The following CTNNA2 variants were observed in gnomAD, a reference collection of about 807,000 sequenced individuals.
The protein encoded by CTNNA2 is catenin alpha 2, also known as catenin alpha-2.
CTNNA2 carries 42 observed loss-of-function variants against 101.0 expected under a neutral mutation model. The ratio of observed to expected loss-of-function variants is 0.42; its 90% CI spans 0.32 to 0.54. The LOEUF is 0.54. Among genes scored for constraint, CTNNA2 ranks in the 20% least tolerant of loss-of-function variants. CTNNA2 has a pLI of 0.14. For missense variants in CTNNA2, 871 were observed against 1,223.1 expected, an observed-to-expected ratio of 0.71 and a Z score of 4.29; for synonymous variants, 450 against 456.4, an observed-to-expected ratio of 0.99 and a Z score of 0.18.
chr2:80,329,815 C>A (rs573594634), intron 7 of CTNNA2, among the ~76,000 whole-genome samples: 280 of 152,296 alleles, frequency 1.8e-3, no homozygotes, highest in Non-Finnish European at 3.5e-3. Flanking sequence ...TGTTCCCTAG[C>A]CACAAGCTTC....
chr2:79,341,247 G>A (rs1055633456), intron 3 of CTNNA2, among the ~76,000 whole-genome samples: 3 of 152,078 alleles, frequency 2.0e-5, no homozygotes, highest in East Asian at 1.9e-4. Context: ...AGACCTTAGC[G>A]TACTTACAGT....
At chr2:79,481,857 G>A (rs1671113507) in intron 4 of CTNNA2, among the ~76,000 whole-genome samples, 1 of 152,160 alleles carries the variant, frequency 6.6e-6, no homozygotes, top group South Asian at 2.1e-4. Flanking sequence ...ACTCCAGAGT[G>A]GAGTCTGCTT....
intron 11 of CTNNA2, among the ~76,000 whole-genome samples, chr2:80,552,451 T>C (rs1049894690): frequency 2.0e-5 from 3 of 152,210 alleles, no homozygotes; most frequent in African/African-American, 7.2e-5. Context: ...TTTACATGTC[T>C]GCCATCCATC....
intron 7 of CTNNA2, among the ~76,000 whole-genome samples, chr2:80,105,838 T>C (rs978821513): frequency 6.6e-6 from 1 of 152,186 alleles, no homozygotes; most frequent in Non-Finnish European, 1.5e-5. Flanking sequence ...TAGAATCATG[T>C]GTGTGTTTCA....
intron 4 of CTNNA2, among the ~76,000 whole-genome samples, chr2:79,410,408 T>C (rs1389672044): frequency 1.4e-4 from 21 of 150,996 alleles, no homozygotes; most frequent in African/African-American, 4.9e-4. Flanking sequence ...TTCCAGTTTT[T>C]GCCCATTCAG....
chr2:79,357,102 G>A (rs1677524551), intron 3 of CTNNA2, among the ~76,000 whole-genome samples: 1 of 152,162 alleles, frequency 6.6e-6, no homozygotes, highest in African/African-American at 2.4e-5. Flanking sequence ...CAAGGCAGGA[G>A]GGTCATTTGA....
intron 2 of CTNNA2, among the ~76,000 whole-genome samples, chr2:79,654,335 A>C (rs1681461890): frequency 6.6e-6 from 1 of 152,296 alleles, no homozygotes; most frequent in East Asian, 1.9e-4. Context: ...AAACACATTT[A>C]TTGTATAGTC....
chr2:79,802,222 A>G (rs1479197299), intron 3 of CTNNA2, among the ~76,000 whole-genome samples: 4 of 152,072 alleles, frequency 2.6e-5, no homozygotes, highest in African/African-American at 9.7e-5. Flanking sequence ...TTCTTGTATC[A>G]CTCCTGAAAC....
At chr2:79,965,324 A>G (rs1558682022) in intron 7 of CTNNA2, among the ~76,000 whole-genome samples, 1 of 152,202 alleles carries the variant, frequency 6.6e-6, no homozygotes, top group Non-Finnish European at 1.5e-5. Context: ...TCCCTTGGGA[A>G]TGTTACATGG....
intron 7 of CTNNA2, among the ~76,000 whole-genome samples, chr2:80,105,834 CAT>C (rs968788708): frequency 4.6e-5 from 7 of 152,130 alleles, no homozygotes; most frequent in African/African-American, 1.7e-4. Context: ...GTGCTAGAAT[CAT>C]GTGTGTGTTT....
At chr2:80,268,834 T>A (rs1289101780) in intron 7 of CTNNA2, among the ~76,000 whole-genome samples, 1 of 152,152 alleles carries the variant, frequency 6.6e-6, no homozygotes, top group Admixed American at 6.6e-5. Flanking sequence ...GACCACTATA[T>A]AGTCCAAGGC....
intron 7 of CTNNA2, among the ~76,000 whole-genome samples, chr2:80,225,839 A>G (rs1007248272): frequency 6.6e-6 from 1 of 152,180 alleles, no homozygotes; most frequent in East Asian, 1.9e-4. Flanking sequence ...ACAGAAATCA[A>G]TTTCAATTTC....
At chr2:79,606,560 G>A (rs1303945871) in intron 1 of CTNNA2, among the ~76,000 whole-genome samples, 2 of 152,120 alleles carry the variant, frequency 1.3e-5, no homozygotes, top group Non-Finnish European at 2.9e-5. Flanking sequence ...GAGCCACCAC[G>A]CCTGGCCAAT....
At position 79,277,629 on chromosome 2, in the gene CTNNA2, T is replaced by A. The variant is rs143490295; in HGVS notation, c.-405-35080T>A. Among the ~76,000 whole-genome samples the A allele has an allele frequency of 1.2e-3, 179 of 152,218 alleles. 4 individuals carry two copies. The East Asian group carries it at 0.031, about 26-fold the overall frequency. The stretch of plus-strand genomic sequence containing the variant: ...TATGACATAGGTGTTATAATCCTCA[T>A]TTTACACATTAAAAAATTGAGTTTC... On this transcript the variant is annotated intron_variant, in intron 2 of 21. Coordinates refer to the CTNNA2 transcript ENST00000466387.
chr2:80,093,078 A>C (rs1345195541), intron 7 of CTNNA2, among the ~76,000 whole-genome samples: 1 of 151,986 alleles, frequency 6.6e-6, no homozygotes, highest in Non-Finnish European at 1.5e-5. Context: ...ATATGAATAC[A>C]TGTGCCATGT....
chr2:80,332,419 A>C (rs1671418520), intron 7 of CTNNA2, among the ~76,000 whole-genome samples: 1 of 152,178 alleles, frequency 6.6e-6, no homozygotes, highest in South Asian at 2.1e-4. Context: ...TCCTTAATTT[A>C]GGAAGGTCTG....
At chr2:79,523,693 G>A (rs1006333787) in intron 1 of CTNNA2, among the ~76,000 whole-genome samples, 1 of 152,124 alleles carries the variant, frequency 6.6e-6, no homozygotes, top group African/African-American at 2.4e-5. Context: ...CCAATTGTTA[G>A]TACCTTCCAC....
At chr2:79,628,189 C>T (rs984215656) in intron 1 of CTNNA2, among the ~76,000 whole-genome samples, 7 of 152,070 alleles carry the variant, frequency 4.6e-5, no homozygotes, top group Non-Finnish European at 5.9e-5. Flanking sequence ...TGGTGGCTCA[C>T]GCCTGTAATC....
Position 80,540,314 on chromosome 2 carries a change from C to T in CTNNA2, c.1291-4668C>T, listed in dbSNP as rs114364271. On this transcript the variant is annotated intron_variant, in intron 9 of 18. Coordinates refer to ENST00000402739, the MANE Select transcript of CTNNA2 (RefSeq NM_001282597.3). Reference sequence around the variant, plus strand: ...GGTTGTTGAAATCAATTATCAGATACTGGCAGGTGTGGTGGCTCATGCCTG... The same window carrying T: ...GGTTGTTGAAATCAATTATCAGATATTGGCAGGTGTGGTGGCTCATGCCTG... 5.4e-3 allele frequency among the ~76,000 whole-genome samples: 818 copies of T among 152,228 alleles called. 6 individuals are homozygous for T. Among genetic ancestry groups the T allele is most frequent in the African/African-American group, 0.019 (772 of 41,548 alleles).
Sources: allele counts gnomAD v4.1 joint callset (sites outside exome capture counted in the v4.1 genomes callset), GRCh38; gene constraint gnomAD v4.1.1; transcripts MANE v1.5; gene names NCBI Gene and HGNC (gene_info 2026-07-23, HGNC 2026-07-21).